Variants in FBXL18 observed in about 807,000 individuals in gnomAD.
FBXL18 encodes F-box and leucine rich repeat protein 18.
Under a neutral mutation model 46.0 loss-of-function variants are expected in FBXL18, and 36 were observed. That is an observed-to-expected ratio of 0.78 (90% confidence interval 0.60 to 1.03). The LOEUF is 1.03. FBXL18 is among the 50% of genes least tolerant of loss of function. The pLI is 0.00. For missense variants in FBXL18, 977 were observed against 1,004.1 expected (o/e 0.97, Z 0.36); for synonymous variants, 557 against 465.3 (o/e 1.20, Z -2.54).
intron 1 of FBXL18, among the ~76,000 whole-genome samples, chr7:5,507,403 G>GGA (rs1164716260): frequency 6.6e-6 from 1 of 152,014 alleles, no homozygotes; most frequent in East Asian, 1.9e-4. Context: ...TTCTTCCCTG[G>GGA]GAACAAAGAA....
chr7:5,494,612 A>G (rs933470040), intron 3 of FBXL18, among the ~76,000 whole-genome samples: 2 of 152,208 alleles, frequency 1.3e-5, no homozygotes, highest in African/African-American at 2.4e-5. Context: ...CCTAAAGTAA[A>G]CAACCCTTTG....
chr7:5,487,708 C>A (rs947141964), intron 4 of FBXL18, among the ~76,000 whole-genome samples: 1 of 152,250 alleles, frequency 6.6e-6, no homozygotes, highest in Admixed American at 6.5e-5. Flanking sequence ...GAGAGAGGCA[C>A]CATGGGGGCC....
At chr7:5,475,707 G>A (rs183709522), downstream of FBXL18, 1 of 152,308 alleles carries the variant, frequency 6.6e-6, no homozygotes, top group African/African-American at 2.4e-5. This position sits in a 1 kb window ranked among gnomAD's most constrained non-coding sequence, Gnocchi z 4.2. Flanking sequence ...CCAACCATCG[G>A]AAGTGAACAA....
At chr7:5,504,682 G>A (rs867068401) in intron 2 of FBXL18, among the ~76,000 whole-genome samples, 22 of 148,778 alleles carry the variant, frequency 1.5e-4, no homozygotes, top group East Asian at 6.1e-4. Context: ...TTGGGATGTC[G>A]AGGCGGGCAG....
chr7:5,479,819 A>G lies in FBXL18; in HGVS notation c.*1956T>C, dbSNP rs1354635432. On this transcript the variant is annotated 3_prime_UTR_variant, in exon 5 of 5. Coordinates refer to ENST00000382368, the MANE Select transcript of FBXL18 (RefSeq NM_024963.6). ...GAGGCAAAGGTTCTGCACTGGGTGCAGCCTGGGGCTGGGAGAGGACCCGTG... is the reference window on the plus strand; with the variant it reads ...GAGGCAAAGGTTCTGCACTGGGTGCGGCCTGGGGCTGGGAGAGGACCCGTG... The G allele has an allele frequency of 6.6e-6, 1 of 152,492 alleles. No homozygotes were observed. Among genetic ancestry groups the G allele is most frequent in the African/African-American group, 2.4e-5 (1 of 41,468 alleles). 9.4% of individuals were successfully genotyped at this position (152,492 alleles called of 1,614,324 possible).
chr7:5,495,065 C>T (rs1046266042), intron 3 of FBXL18, among the ~76,000 whole-genome samples: 1 of 152,182 alleles, frequency 6.6e-6, no homozygotes, highest in African/African-American at 2.4e-5. Context: ...GGTGGCAGAG[C>T]TGACCTGACT....
chr7:5,500,562 GC>G lies in FBXL18; in HGVS notation c.1706del (p.Gly569AlafsTer2), dbSNP rs1562699929. 3.1e-6 allele frequency: 5 copies of G among 1,613,582 alleles called. No individual in the cohort carries two copies. Among genetic ancestry groups the G allele is most frequent in the Non-Finnish European group, 4.2e-6 (5 of 1,179,900 alleles). On this transcript the variant is annotated frameshift_variant, in exon 3 of 5. Transcript: ENST00000382368. LOFTEE classifies it high-confidence loss of function. Reference protein sequence around the residue: ...QLRSLSLANLGMMGKVVYMPA... With the variant: ...QLRSLSLANLXMMGKVVYMPA... ...GCATGTACACCACCTTCCCCATCATGCCCAGGTTGGCCAGCGACAGGGACCG... is the reference window on the plus strand; with the variant it reads ...GCATGTACACCACCTTCCCCATCATGCCAGGTTGGCCAGCGACAGGGACCG...
Position 5,486,115 on chromosome 7 carries a change from G to T in FBXL18, c.2001-4184C>A, listed in dbSNP as rs537105155. Among the ~76,000 whole-genome samples the T allele has an allele frequency of 3.3e-3, 503 of 150,676 alleles. 2 individuals are homozygous for T. The highest frequency in any genetic ancestry group is 0.012 in the African/African-American group (479 of 40,600). On this transcript the variant is annotated intron_variant, in intron 4 of 4. Coordinates refer to ENST00000382368, the MANE Select transcript of FBXL18 (RefSeq NM_024963.6). The stretch of plus-strand genomic sequence containing the variant: ...TAAATAAATAAAAATTTAGCTGGGC[G>T]TGCTGGCGCATGCCTGTAATCCCAG...
At chr7:5,472,247 T>C (rs1366141764), downstream of FBXL18, among the ~76,000 whole-genome samples, 2 of 152,060 alleles carry the variant, frequency 1.3e-5, no homozygotes, top group South Asian at 2.1e-4. Flanking sequence ...AGACGCACTT[T>C]CTAAAAATGG....
Position 5,501,073 on chromosome 7 carries a change from T to A in FBXL18, c.1196A>T (p.Glu399Val). Residue 399 changes from glutamate (E) to valine (V), a missense_variant, in exon 3 of 5, where the codon GAG becomes GTG. Physicochemically the swap from Glu to Val is moderately radical, Grantham distance 121. Coordinates refer to ENST00000382368, the MANE Select transcript of FBXL18 (RefSeq NM_024963.6). ...NLSAAHHHSS[E>V]GLGRHLCQLL... ...CTGGCAGAGGTGGCGGCCCAGGCCC[T>A]CCGAGCTGTGGTGGTGGGCGGCCGA... is the stretch of plus-strand genomic sequence containing the variant. 1 of 1,611,100 alleles carries A rather than the reference T, an allele frequency of 6.2e-7. No individual in the cohort carries two copies. Among genetic ancestry groups the A allele is most frequent in the Non-Finnish European group, 8.5e-7 (1 of 1,179,516 alleles).
In FBXL18 at chr7:5,505,552, C is replaced by A; in HGVS notation, c.97G>T (p.Asp33Tyr). 1 of 1,614,010 alleles carries A rather than the reference C, an allele frequency of 6.2e-7. No individual in the cohort carries two copies. The highest frequency in any genetic ancestry group is 1.1e-5 in the South Asian group (1 of 91,088). The change falls in exon 2 of 5, where the codon GAT becomes TAT. Residue 33 changes from aspartate (D) to tyrosine (Y), a missense_variant. Coordinates refer to ENST00000382368, the MANE Select transcript of FBXL18 (RefSeq NM_024963.6). ...CTCAGGATGTGAAGGAGGATCTCAT[C>A]AGAGAACCCTAGGAGGTGGACCCCG... ...ADGVHLLGFS[D>Y]EILLHILSHV...
chr7:5,494,656 A>T (rs1784025767), intron 3 of FBXL18, among the ~76,000 whole-genome samples: 1 of 152,166 alleles, frequency 6.6e-6, no homozygotes, highest in Non-Finnish European at 1.5e-5. Flanking sequence ...AAGGGGTAAA[A>T]AAGACGGTGC....
At chr7:5,512,317 A>G (rs1212197066) in intron 1 of FBXL18, among the ~76,000 whole-genome samples, 1 of 141,686 alleles carries the variant, frequency 7.1e-6, no homozygotes, top group Non-Finnish European at 1.5e-5. Flanking sequence ...AAAAAAAAAA[A>G]AAAAAAGCAG....
intron 3 of FBXL18, among the ~76,000 whole-genome samples, chr7:5,498,539 G>A (rs1584230323): frequency 1.3e-5 from 2 of 152,212 alleles, no homozygotes; most frequent in East Asian, 3.9e-4. Context: ...ACAGGCGTGA[G>A]CCGCCACGCC....
chr7:5,501,281 G>A lies in FBXL18; in HGVS notation c.988C>T (p.His330Tyr). The A allele has an allele frequency of 6.2e-7, 1 of 1,614,150 alleles. No individual in the cohort carries two copies. Among genetic ancestry groups the A allele is most frequent in the Non-Finnish European group, 8.5e-7 (1 of 1,180,014 alleles). Residue 330 changes from histidine (H) to tyrosine (Y), a missense_variant, in exon 3 of 5, where the codon CAT becomes TAT. Transcript: ENST00000382368. The stretch of plus-strand genomic sequence containing the variant: ...CCGTTGATGACCTGCTGGATCAGAT[G>A]GCCGCCTGACAGGGTACAGCGGCTG... ...SFSRCTLSGG[H>Y]LIQQVINGGK... is the part of the protein sequence containing the mutation.
At chr7:5,467,185 A>G (rs1424316444) in intron 4 of FBXL18, among the ~76,000 whole-genome samples, 6 of 152,106 alleles carry the variant, frequency 3.9e-5, no homozygotes, top group African/African-American at 1.4e-4. Flanking sequence ...CCCCGTCTCT[A>G]CTAAAAATAC....
intron 4 of FBXL18, among the ~76,000 whole-genome samples, chr7:5,486,280 G>A (rs1295421503): frequency 7.1e-6 from 1 of 139,922 alleles, no homozygotes; most frequent in Non-Finnish European, 1.5e-5. Context: ...TGAGCTGGTT[G>A]TGGTGGCACA....
intron 3 of FBXL18, among the ~76,000 whole-genome samples, chr7:5,494,981 C>T (rs1356372922): frequency 3.3e-5 from 5 of 152,228 alleles, no homozygotes; most frequent in African/African-American, 1.2e-4. Context: ...AGTGACTGGT[C>T]AGGCAGCGGG....
In FBXL18 at chr7:5,491,427, C is replaced by T. The variant is rs770786667; in HGVS notation, c.1804G>A (p.Ala602Thr). Reference protein sequence around the residue: ...DLRLEQPYFSANAQFFQALSQ... With the variant: ...DLRLEQPYFSTNAQFFQALSQ... ...AGCGCCTGGAAGAACTGGGCGTTGGCGCTGAAGTAGGGCTGCTCCAGCCTG... is the reference window on the plus strand; with the variant it reads ...AGCGCCTGGAAGAACTGGGCGTTGGTGCTGAAGTAGGGCTGCTCCAGCCTG... Residue 602 changes from alanine to threonine, a missense_variant, in exon 4 of 5, where the codon GCC (alanine) becomes ACC (threonine). Ala to Thr is a moderately conservative substitution (Grantham distance 58). Coordinates refer to ENST00000382368, the MANE Select transcript of FBXL18 (RefSeq NM_024963.6). 5.0e-6 allele frequency: 8 copies of T among 1,594,402 alleles called. No individual in the cohort carries two copies. The highest frequency in any genetic ancestry group is 1.1e-5 in the South Asian group (1 of 88,488).
Sources: allele counts gnomAD v4.1 joint callset (sites outside exome capture counted in the v4.1 genomes callset), GRCh38; gene constraint gnomAD v4.1.1; non-coding constraint Gnocchi (gnomAD v3.1); transcripts MANE v1.5; gene names NCBI Gene and HGNC (gene_info 2026-07-23, HGNC 2026-07-21).